KAT6A: variants seen among roughly 807,000 people sequenced by gnomAD.
KAT6A encodes the protein histone acetyltransferase KAT6A.
In KAT6A, 9 loss-of-function variants were observed where a neutral mutation model predicts 198.4. That is an observed-to-expected ratio of 0.05 (90% CI 0.03 to 0.08). The LOEUF (loss-of-function observed/expected upper bound fraction) is 0.08. Ranked by LOEUF, KAT6A falls within the 10% of genes least tolerant of loss-of-function variation. The pLI is 1.00. For synonymous variants in KAT6A, 890 were observed against 883.0 expected (o/e 1.01, Z -0.14); for missense variants, 2,077 against 2,509.9 (o/e 0.83, Z 3.69).
intron 2 of KAT6A, among the ~76,000 whole-genome samples, chr8:42,005,097 G>A (rs1564059063): frequency 6.6e-6 from 1 of 151,952 alleles, no homozygotes; most frequent in Non-Finnish European, 1.5e-5. Flanking sequence ...TGTATGACTA[G>A]GCCACAGTCC....
chr8:42,015,179 T>C (rs1826213935), intron 2 of KAT6A, among the ~76,000 whole-genome samples: 1 of 152,206 alleles, frequency 6.6e-6, no homozygotes, highest in Non-Finnish European at 1.5e-5. Context: ...AAGTAATATG[T>C]CCAATGTGGT....
chr8:42,001,734 C>G (rs969603766), intron 2 of KAT6A, among the ~76,000 whole-genome samples: 1 of 152,106 alleles, frequency 6.6e-6, no homozygotes, highest in Admixed American at 6.5e-5. Context: ...AGGATCTGTA[C>G]AGATCTTGAG....
chr8:42,012,303 A>C (rs1826059637), intron 2 of KAT6A, among the ~76,000 whole-genome samples: 1 of 152,238 alleles, frequency 6.6e-6, no homozygotes, highest in Non-Finnish European at 1.5e-5. Context: ...AATCCCCCAC[A>C]GACAGCTCAT....
At chr8:42,034,993 T>C (rs1222650951) in intron 2 of KAT6A, among the ~76,000 whole-genome samples, 1 of 152,210 alleles carries the variant, frequency 6.6e-6, no homozygotes, top group African/African-American at 2.4e-5. Context: ...AATCATTTCT[T>C]AGTAAGATCA....
chr8:41,937,596 C>A, intron 15 of KAT6A, 28 bp from the exon 16 acceptor site: 2 of 1,499,690 alleles, frequency 1.3e-6, no homozygotes, highest in Non-Finnish European at 9.1e-7. Context: ...CAAGTATTTA[C>A]AGTTATGAAC....
At chr8:42,004,287 T>C (rs1445880196) in intron 2 of KAT6A, among the ~76,000 whole-genome samples, 1 of 152,164 alleles carries the variant, frequency 6.6e-6, no homozygotes, top group Non-Finnish European at 1.5e-5. Flanking sequence ...AATAACTGAT[T>C]CAAATTAATG....
chr8:41,992,278 T>C (rs1032979344), intron 2 of KAT6A, among the ~76,000 whole-genome samples: 2 of 152,124 alleles, frequency 1.3e-5, no homozygotes, highest in Non-Finnish European at 2.9e-5. Flanking sequence ...AGAGAGCCCT[T>C]GTCAGTGACA....
intron 2 of KAT6A, among the ~76,000 whole-genome samples, chr8:41,993,479 G>T (rs974763984): frequency 6.6e-6 from 1 of 152,178 alleles, no homozygotes; most frequent in Non-Finnish European, 1.5e-5. Flanking sequence ...CACATGGCAT[G>T]CTCCCCACTG....
chr8:41,933,617 C>A lies in KAT6A; in HGVS notation c.4603G>T (p.Val1535Leu). 7 of 1,614,160 alleles carry A rather than the reference C, an allele frequency of 4.3e-6. No individual in the cohort carries two copies. The highest frequency in any genetic ancestry group is 5.9e-6 in the Non-Finnish European group (7 of 1,180,032). ...QNMETSPMMD[V>L]PSVSDHSQQV... ...TGAGAGTGGTCTGATACGGAAGGCA[C>A]ATCCATCATGGGGCTGGTCTCCATG... The change falls in exon 17 of 17, where the codon GTG becomes TTG. Residue 1535 changes from valine to leucine, a missense_variant. Physicochemically the swap from Val to Leu is conservative, Grantham distance 32. Coordinates refer to ENST00000265713, the MANE Select transcript of KAT6A (RefSeq NM_006766.5). The surrounding 1 kb of genome is among the most constrained non-coding windows in gnomAD (Gnocchi z 6.2).
At chr8:42,029,569 GTT>G (rs201045645) in intron 2 of KAT6A, among the ~76,000 whole-genome samples, 6 of 132,304 alleles carry the variant, frequency 4.5e-5, no homozygotes, top group African/African-American at 2.8e-5. Flanking sequence ...GTTTTTTTTT[GTT>G]TTTTTTTTTT....
At chr8:41,963,866 TCCAA>T (rs1440782431) in intron 8 of KAT6A, among the ~76,000 whole-genome samples, 2 of 152,136 alleles carry the variant, frequency 1.3e-5, no homozygotes. Context: ...TTGTTTGAAC[TCCAA>T]CCAACTGCAC....
rs774099938 is a variant in KAT6A, at chr8:41,934,825, T to C, written c.3395A>G (p.Asp1132Gly). The stretch of plus-strand genomic sequence containing the variant: ...TGGCTCAAGAGGAGAATTCTTCACA[T>C]CACGTTTTCGCAAAAGAGATACTGG... ...LKPVSLLRKR[D>G]VKNSPLEPDT... Residue 1132 changes from aspartate to glycine, a missense_variant, in exon 17 of 17, where the codon GAT becomes GGT. Around this residue, in one of 13 missense-constraint regions of KAT6A, gnomAD observed 375 missense variants for 383.0 expected, o/e 0.98. Transcript: ENST00000265713. 1.3e-5 allele frequency: 21 copies of C among 1,612,844 alleles called. No individual in the cohort carries two copies. The highest frequency in any genetic ancestry group is 1.8e-5 in the Non-Finnish European group (21 of 1,179,768).
chr8:42,025,000 T>G (rs1026137669), intron 2 of KAT6A, among the ~76,000 whole-genome samples: 2 of 152,190 alleles, frequency 1.3e-5, no homozygotes, highest in Non-Finnish European at 2.9e-5. Flanking sequence ...AATTCTACTT[T>G]CAGTTTTTGA....
At chr8:41,968,064 G>C (rs1173848603) in intron 8 of KAT6A, among the ~76,000 whole-genome samples, 1 of 151,998 alleles carries the variant, frequency 6.6e-6, no homozygotes, top group East Asian at 1.9e-4. Flanking sequence ...ATAGGCATGG[G>C]CAAGGACTTC....
chr8:41,966,429 T>C (rs1823495989), intron 8 of KAT6A, among the ~76,000 whole-genome samples: 1 of 151,932 alleles, frequency 6.6e-6, no homozygotes, highest in Non-Finnish European at 1.5e-5. Context: ...ACATACAGGG[T>C]TCAGTACAGT....
At chr8:42,050,840 T>G (rs1166060377) in intron 1 of KAT6A, among the ~76,000 whole-genome samples, 1 of 152,104 alleles carries the variant, frequency 6.6e-6, no homozygotes, top group Non-Finnish European at 1.5e-5. Context: ...GGGATTGTCA[T>G]CAGTCTCCAG....
intron 2 of KAT6A, among the ~76,000 whole-genome samples, chr8:42,034,893 T>C (rs565177956): frequency 4.6e-5 from 7 of 152,320 alleles, no homozygotes; most frequent in African/African-American, 1.7e-4. Context: ...TGGCAAAGAA[T>C]GGTTAAGCAA....
At chr8:41,958,467 G>T (rs903595695) in intron 8 of KAT6A, 1 of 152,168 alleles carries the variant, frequency 6.6e-6, no homozygotes, top group Non-Finnish European at 1.5e-5. Context: ...GAGATGTGAC[G>T]GAAGTAACGA....
At chr8:42,007,647 T>G (rs897043554) in intron 2 of KAT6A, among the ~76,000 whole-genome samples, 2 of 152,112 alleles carry the variant, frequency 1.3e-5, no homozygotes, top group African/African-American at 4.8e-5. Context: ...CTCCTGGGAC[T>G]AGGACTAGAA....
Sources: gnomAD v4.1 joint callset for allele counts (sites outside exome capture counted in the v4.1 genomes callset) on GRCh38, gnomAD v4.1.1 for gene constraint, gnomAD v4.1.1 regional missense constraint, Gnocchi (gnomAD v3.1) non-coding constraint, MANE v1.5 for transcripts, NCBI Gene and HGNC (gene_info 2026-07-23, HGNC 2026-07-21) for gene names.